The following CTNNA3 variants were observed in gnomAD, a reference collection of about 807,000 sequenced individuals.
CTNNA3 encodes the protein catenin alpha 3.
In CTNNA3, 76 loss-of-function variants were observed where a neutral mutation model predicts 95.7. That is an observed-to-expected ratio of 0.79 (90% CI 0.66 to 0.96). The LOEUF is 0.96. CTNNA3 is among the 40% of genes least tolerant of loss of function. CTNNA3 has a pLI of 0.00. For synonymous variants in CTNNA3, 431 were observed against 374.4 expected (o/e 1.15, Z -1.74); for missense variants, 1,191 against 1,089.8 (o/e 1.09, Z -1.31).
chr10:67,316,582 C>T (rs1243846356), intron 5 of CTNNA3, among the ~76,000 whole-genome samples: 1 of 152,044 alleles, frequency 6.6e-6, no homozygotes, highest in Non-Finnish European at 1.5e-5. Flanking sequence ...CTCATCTCTT[C>T]AACAGTAATA....
intron 11 of CTNNA3, among the ~76,000 whole-genome samples, chr10:66,439,419 A>C (rs2093360900): frequency 6.6e-6 from 1 of 152,180 alleles, no homozygotes; most frequent in Non-Finnish European, 1.5e-5. Context: ...AATTTTAATC[A>C]CAAATTTTGT....
chr10:66,226,702 C>G (rs1564787193), intron 13 of CTNNA3, among the ~76,000 whole-genome samples: 1 of 151,430 alleles, frequency 6.6e-6, no homozygotes, highest in Non-Finnish European at 1.5e-5. Context: ...GATGTCTTTC[C>G]ATTTTATTTG....
At chr10:66,187,649 A>C (rs2086414907) in intron 13 of CTNNA3, among the ~76,000 whole-genome samples, 1 of 151,936 alleles carries the variant, frequency 6.6e-6, no homozygotes, top group Admixed American at 6.6e-5. Flanking sequence ...AATCTCTATC[A>C]ATTTTTTAGC....
At chr10:67,458,938 T>C (rs1430708451) in intron 5 of CTNNA3, among the ~76,000 whole-genome samples, 2 of 152,128 alleles carry the variant, frequency 1.3e-5, no homozygotes, top group African/African-American at 4.8e-5. Context: ...TGTGACTTTC[T>C]CAAACAACAC....
intron 5 of CTNNA3, among the ~76,000 whole-genome samples, chr10:67,404,554 T>A (rs1449438742): frequency 1.3e-5 from 2 of 151,958 alleles, no homozygotes; most frequent in African/African-American, 2.4e-5. Flanking sequence ...AATATGGGAT[T>A]ATGTAAAGAG....
chr10:67,428,423 G>A (rs1845993798), intron 5 of CTNNA3, among the ~76,000 whole-genome samples: 1 of 152,002 alleles, frequency 6.6e-6, no homozygotes, highest in African/African-American at 2.4e-5. Flanking sequence ...TTAGAGAGAT[G>A]TAAATTAATT....
At chr10:67,706,642 G>A (rs1022211067) in intron 1 of CTNNA3, among the ~76,000 whole-genome samples, 2 of 152,086 alleles carry the variant, frequency 1.3e-5, no homozygotes, top group African/African-American at 4.8e-5. Context: ...AAATGGAAGT[G>A]TTAAATTGGA....
At chr10:66,237,719 T>A (rs1287397794) in intron 13 of CTNNA3, among the ~76,000 whole-genome samples, 1 of 152,114 alleles carries the variant, frequency 6.6e-6, no homozygotes, top group African/African-American at 2.4e-5. Context: ...AAGTGTCTTA[T>A]AACCATTTTT....
At chr10:66,385,284 A>G (rs573027840) in intron 11 of CTNNA3, among the ~76,000 whole-genome samples, 3 of 152,356 alleles carry the variant, frequency 2.0e-5, no homozygotes, top group African/African-American at 7.2e-5. Context: ...ACAGAAATAC[A>G]AACTACCATC....
At chr10:67,719,127 T>C (rs1841162804) in intron 1 of CTNNA3, among the ~76,000 whole-genome samples, 1 of 152,196 alleles carries the variant, frequency 6.6e-6, no homozygotes, top group Admixed American at 6.5e-5. Context: ...GTAGTTTGTA[T>C]TTCTGTGGGA....
chr10:66,794,717 T>C (rs1841121353), intron 7 of CTNNA3, among the ~76,000 whole-genome samples: 1 of 152,158 alleles, frequency 6.6e-6, no homozygotes, highest in Non-Finnish European at 1.5e-5. Context: ...TCCCTGTAGA[T>C]ATTTGAGAGT....
Position 67,133,341 on chromosome 10 carries a change from AC to A in CTNNA3, c.1047+46975del, listed in dbSNP as rs564614282. Among the ~76,000 whole-genome samples, 265 of 107,952 alleles carry A rather than the reference AC, an allele frequency of 2.5e-3. 2 individuals carry two copies. Among genetic ancestry groups the A allele is most frequent in the African/African-American group, 9.0e-3 (249 of 27,560 alleles). 70.8% of individuals were successfully genotyped at this position (107,952 alleles called of 152,430 possible). Reference sequence around the variant, plus strand: ...TATATATATTTATACACACACACACACAATGGTAGATACATACATACATACA... The same window carrying A: ...TATATATATTTATACACACACACACAAATGGTAGATACATACATACATACA... On this transcript the variant is annotated intron_variant, in intron 7 of 17. Coordinates refer to ENST00000433211, the MANE Select transcript of CTNNA3 (RefSeq NM_013266.4).
chr10:66,864,825 T>C lies in CTNNA3; in HGVS notation c.1048-89301A>G, dbSNP rs566097035. ...AGATAAATTAAATAGCTTCCCAATATACATAGAAAACCTAAAATACATATA... is the reference window on the plus strand; with the variant it reads ...AGATAAATTAAATAGCTTCCCAATACACATAGAAAACCTAAAATACATATA... On this transcript the variant is annotated intron_variant, in intron 7 of 17. Coordinates refer to ENST00000433211, the MANE Select transcript of CTNNA3 (RefSeq NM_013266.4). 1.2e-4 allele frequency among the ~76,000 whole-genome samples: 19 copies of C among 152,266 alleles called. No individual in the cohort carries two copies. In the East Asian group the frequency reaches 3.3e-3, roughly 26 times the overall value.
chr10:66,089,336 CTCTT>C (rs1004523172), intron 14 of CTNNA3, among the ~76,000 whole-genome samples: 6 of 151,594 alleles, frequency 4.0e-5, no homozygotes, highest in Non-Finnish European at 7.4e-5. Context: ...AACCTCTCCT[CTCTT>C]TCTTTCTCCC....
At chr10:67,294,007 G>T (rs1190927411) in intron 5 of CTNNA3, among the ~76,000 whole-genome samples, 1 of 152,154 alleles carries the variant, frequency 6.6e-6, no homozygotes, top group African/African-American at 2.4e-5. Flanking sequence ...AGTGCTCTAG[G>T]TTCAATTGGC....
intron 7 of CTNNA3, among the ~76,000 whole-genome samples, chr10:66,865,158 T>C (rs1376375260): frequency 6.6e-6 from 1 of 152,000 alleles, no homozygotes; most frequent in Non-Finnish European, 1.5e-5. Context: ...ATGTTCTTTA[T>C]GAGTCTAACA....
intron 11 of CTNNA3, among the ~76,000 whole-genome samples, chr10:66,453,104 C>A (rs771691075): frequency 6.6e-6 from 1 of 151,870 alleles, no homozygotes; most frequent in Non-Finnish European, 1.5e-5. Context: ...GTAGTCCCAG[C>A]TGCTTGGGAA....
intron 13 of CTNNA3, among the ~76,000 whole-genome samples, chr10:66,138,185 C>G (rs929438767): frequency 6.6e-6 from 1 of 152,202 alleles, no homozygotes; most frequent in Middle Eastern, 3.4e-3. Flanking sequence ...TTTGCATTTT[C>G]AAAGACAAAG....
intron 6 of CTNNA3, among the ~76,000 whole-genome samples, chr10:67,207,397 A>G (rs1260320081): frequency 1.3e-5 from 2 of 152,164 alleles, no homozygotes; most frequent in Non-Finnish European, 2.9e-5. Context: ...AATATTAATA[A>G]CTAAAGTGAT....
Sources: allele counts gnomAD v4.1 joint callset (sites outside exome capture counted in the v4.1 genomes callset), GRCh38; gene constraint gnomAD v4.1.1; transcripts MANE v1.5; gene names NCBI Gene and HGNC (gene_info 2026-07-23, HGNC 2026-07-21).